CSRNP3: variants seen among roughly 807,000 people sequenced by gnomAD.
The protein encoded by CSRNP3 is cysteine and serine rich nuclear protein 3, also known as cysteine/serine-rich nuclear protein 3.
CSRNP3 carries 12 observed loss-of-function variants against 48.0 expected under a neutral mutation model. The observed-to-expected ratio is 0.25, with a 90% CI of 0.16 to 0.41. CSRNP3 has a LOEUF of 0.41. Among genes scored for constraint, CSRNP3 ranks in the 10% least tolerant of loss-of-function variants. CSRNP3 has a pLI of 1.00. For missense variants in CSRNP3, 580 were observed against 724.4 expected, an observed-to-expected ratio of 0.80 and a Z score of 2.29; for synonymous variants, 263 against 269.7, an observed-to-expected ratio of 0.98 and a Z score of 0.24.
At position 165,580,991 on chromosome 2, in the gene CSRNP3, G is replaced by A. The variant is rs1406630222; in HGVS notation, c.-23-14052G>A. 6.6e-5 allele frequency among the ~76,000 whole-genome samples: 10 copies of A among 151,998 alleles called. No individual in the cohort carries two copies. The South Asian group carries it at 1.7e-3, about 25-fold the overall frequency. On this transcript the variant is annotated intron_variant, in intron 3 of 6. Coordinates refer to ENST00000651982, the MANE Select transcript of CSRNP3 (RefSeq NM_001172173.2). ...ATTAACTTCACTTGGTACTTTTGTT[G>A]TTATGGAGGGAAAAGTAGGCTTACA...
intron 4 of CSRNP3, among the ~76,000 whole-genome samples, chr2:165,613,320 C>T (rs2105311862): frequency 6.6e-6 from 1 of 152,174 alleles, no homozygotes; most frequent in East Asian, 1.9e-4. Context: ...GGATATTAGT[C>T]TCTTGTCAGA....
chr2:165,646,687 G>A (rs925413168), intron 4 of CSRNP3, among the ~76,000 whole-genome samples: 4 of 152,066 alleles, frequency 2.6e-5, no homozygotes, highest in African/African-American at 4.8e-5. Flanking sequence ...TTGCAACAGC[G>A]CGGGTATTCT....
At chr2:165,595,240 C>G in intron 4 of CSRNP3, 27 bp downstream of exon 4, 1 of 1,581,034 alleles carries the variant, frequency 6.3e-7, no homozygotes, top group Non-Finnish European at 8.7e-7. Context: ...GAACCGAAGT[C>G]AATTGTCTGG....
chr2:165,506,762 C>T (rs567939193), intron 2 of CSRNP3, among the ~76,000 whole-genome samples: 1 of 152,314 alleles, frequency 6.6e-6, no homozygotes, highest in Admixed American at 6.5e-5. Context: ...GTCACGAACT[C>T]TATTTTCTAA....
At chr2:165,654,444 A>G (rs1490017999) in intron 4 of CSRNP3, among the ~76,000 whole-genome samples, 3 of 152,142 alleles carry the variant, frequency 2.0e-5, no homozygotes, top group Non-Finnish European at 4.4e-5. Context: ...CTTTCTGGCA[A>G]TATCTTCTGG....
intron 3 of CSRNP3, among the ~76,000 whole-genome samples, chr2:165,545,928 A>G (rs1386397010): frequency 6.6e-6 from 1 of 152,030 alleles, no homozygotes; most frequent in Non-Finnish European, 1.5e-5. Context: ...TTTGCTAAAC[A>G]CTCTATAATG....
chr2:165,479,761 C>T (rs572810713), intron 1 of CSRNP3, among the ~76,000 whole-genome samples: 30 of 151,880 alleles, frequency 2.0e-4, no homozygotes, highest in African/African-American at 7.0e-4. Context: ...TGGTACATGC[C>T]TATAGTCCTA....
At chr2:165,616,917 A>ATTCT (rs1212040693) in intron 4 of CSRNP3, among the ~76,000 whole-genome samples, 2 of 151,970 alleles carry the variant, frequency 1.3e-5, no homozygotes, top group African/African-American at 2.4e-5. Flanking sequence ...AAGTTTAGAA[A>ATTCT]TTCTTACTTC....
chr2:165,594,897 A>C (rs991828174), intron 3 of CSRNP3, 146 bp from the exon 4 acceptor site: 3 of 531,376 alleles, frequency 5.6e-6, no homozygotes, highest in Non-Finnish European at 9.5e-6. Flanking sequence ...TGAAAATAGA[A>C]AAAAAAATCT....
chr2:165,671,762 T>G (rs1348913158), intron 5 of CSRNP3, among the ~76,000 whole-genome samples: 1 of 152,210 alleles, frequency 6.6e-6, no homozygotes, highest in Non-Finnish European at 1.5e-5. Flanking sequence ...AAATGGGTTT[T>G]TCTCTTCTAT....
At chr2:165,651,365 A>G (rs1686899658) in intron 4 of CSRNP3, among the ~76,000 whole-genome samples, 1 of 152,212 alleles carries the variant, frequency 6.6e-6, no homozygotes, top group Non-Finnish European at 1.5e-5. Flanking sequence ...GAGAAAAATC[A>G]GTTGAATTTT....
At chr2:165,474,786 T>C (rs1683939334) in intron 1 of CSRNP3, among the ~76,000 whole-genome samples, 1 of 152,188 alleles carries the variant, frequency 6.6e-6, no homozygotes, top group South Asian at 2.1e-4. Flanking sequence ...CTCTGATGCA[T>C]AACAACACAG....
chr2:165,561,228 G>A (rs956438274), intron 3 of CSRNP3, among the ~76,000 whole-genome samples: 13 of 152,094 alleles, frequency 8.5e-5, no homozygotes, highest in Admixed American at 5.2e-4. Context: ...TACATTTGCC[G>A]TCAGTAAAAC....
chr2:165,621,414 G>C (rs1056190991), intron 4 of CSRNP3, among the ~76,000 whole-genome samples: 1 of 151,690 alleles, frequency 6.6e-6, no homozygotes, highest in African/African-American at 2.4e-5. Flanking sequence ...GGAAGGTACA[G>C]AACAAAGAAA....
intron 4 of CSRNP3, among the ~76,000 whole-genome samples, chr2:165,627,325 T>C (rs964792869): frequency 1.3e-5 from 2 of 152,180 alleles, no homozygotes; most frequent in Non-Finnish European, 1.5e-5. Flanking sequence ...GGGTAGCTTG[T>C]TTTTCTTTGC....
At chr2:165,652,172 T>C (rs1315204878) in intron 4 of CSRNP3, among the ~76,000 whole-genome samples, 1 of 152,146 alleles carries the variant, frequency 6.6e-6, no homozygotes, top group Non-Finnish European at 1.5e-5. Context: ...TGCTTCAGGC[T>C]GGTATTATGT....
intron 4 of CSRNP3, among the ~76,000 whole-genome samples, chr2:165,608,934 CA>C (rs33952227): frequency 0.18 from 13,884 of 75,728 alleles, 785 homozygotes; most frequent in Non-Finnish European, 0.2. Flanking sequence ...ACTAAAAATA[CA>C]AAAAAAAAAA....
At chr2:165,540,767 T>C (rs57330963) in intron 3 of CSRNP3, among the ~76,000 whole-genome samples, 2,696 of 152,174 alleles carry the variant, frequency 0.018, 67 homozygotes, top group African/African-American at 0.061. Context: ...CTCTGGGTTC[T>C]AGTGACCTAG....
intron 5 of CSRNP3, among the ~76,000 whole-genome samples, chr2:165,658,934 G>T (rs758124141): frequency 7.2e-5 from 11 of 152,192 alleles, no homozygotes; most frequent in South Asian, 2.1e-4. Context: ...GCTACCTTGT[G>T]CCAGGAGGGA....
Sources: allele counts gnomAD v4.1 joint callset (sites outside exome capture counted in the v4.1 genomes callset), GRCh38; gene constraint gnomAD v4.1.1; transcripts MANE v1.5; gene names NCBI Gene and HGNC (gene_info 2026-07-23, HGNC 2026-07-21).